Variants in AQR observed in about 807,000 individuals in gnomAD.
AQR encodes the protein RNA helicase aquarius.
AQR carries 61 observed loss-of-function variants against 180.5 expected under a neutral mutation model. The ratio of observed to expected loss-of-function variants is 0.34; its 90% confidence interval spans 0.28 to 0.42. The LOEUF (loss-of-function observed/expected upper bound fraction) is 0.42. Ranked by LOEUF, AQR falls within the 10% of genes least tolerant of loss-of-function variation. The pLI, the probability that AQR is intolerant of heterozygous loss-of-function variation, is 1.00. For missense variants in AQR, 1,281 were observed against 1,798.3 expected (o/e 0.71, Z 5.20); for synonymous variants, 551 against 588.8 (o/e 0.94, Z 0.93).
At chr15:34,938,692 G>GTAAATA in intron 9 of AQR, 45 bp downstream of exon 9, 2 of 1,206,424 alleles carry the variant, frequency 1.7e-6, no homozygotes, top group Non-Finnish European at 2.4e-6. Context: ...CATAGGGGCA[G>GTAAATA]CTATATGATA....
intron 27 of AQR, among the ~76,000 whole-genome samples, chr15:34,879,762 C>T (rs1892942592): frequency 6.6e-6 from 1 of 152,132 alleles, no homozygotes; most frequent in African/African-American, 2.4e-5. Context: ...TTCTCTCTCA[C>T]CCCCAATAGA....
chr15:34,869,901 A>G (rs1318575228), intron 31 of AQR: 1 of 152,194 alleles, frequency 6.6e-6, no homozygotes, highest in Non-Finnish European at 1.5e-5. Flanking sequence ...TTCCAGGCCA[A>G]CATGGTTTCT....
intron 19 of AQR, among the ~76,000 whole-genome samples, chr15:34,903,691 AAG>A (rs1893368406): frequency 6.6e-6 from 1 of 152,270 alleles, no homozygotes; most frequent in African/African-American, 2.4e-5. Flanking sequence ...CTTTGGGAGA[AAG>A]AGAAAAGAAA....
chr15:34,870,994 C>T, intron 30 of AQR, 72 bp from the exon 31 acceptor site: 5 of 1,476,534 alleles, frequency 3.4e-6, no homozygotes, highest in Non-Finnish European at 3.7e-6. Flanking sequence ...AATATCTCAT[C>T]TAGATAAGCA....
intron 30 of AQR, among the ~76,000 whole-genome samples, chr15:34,873,414 A>G (rs904647664): frequency 6.6e-6 from 1 of 152,148 alleles, no homozygotes; most frequent in Non-Finnish European, 1.5e-5. Flanking sequence ...TGAATTGCAT[A>G]TTCATATTTT....
chr15:34,875,846 T>C (rs1351774799), intron 28 of AQR, 89 bp downstream of exon 28: 1 of 963,658 alleles, frequency 1.0e-6, no homozygotes, highest in African/African-American at 1.6e-5. Flanking sequence ...ACTATGGCAA[T>C]CAGCACACCC....
intron 2 of AQR, among the ~76,000 whole-genome samples, chr15:34,963,579 T>C (rs959952790): frequency 6.6e-6 from 1 of 152,176 alleles, no homozygotes; most frequent in Non-Finnish European, 1.5e-5. Context: ...ATTTATTACA[T>C]GATCATTTAT....
At chr15:34,920,504 A>C in intron 13 of AQR, 70 bp from the exon 14 acceptor site, 2 of 1,195,556 alleles carry the variant, frequency 1.7e-6, no homozygotes, top group Non-Finnish European at 2.4e-6. Flanking sequence ...ATGTATTTTT[A>C]CAAATAGCTT....
intron 31 of AQR, 47 bp downstream of exon 31, chr15:34,870,705 C>A (rs773734925): frequency 9.1e-6 from 14 of 1,536,728 alleles, no homozygotes; most frequent in Non-Finnish European, 1.2e-5. Context: ...ACCTTTCCAT[C>A]TTGCCAAAAT....
At chr15:34,904,315 A>T in intron 19 of AQR, 21 bp downstream of exon 19, 1 of 1,523,458 alleles carries the variant, frequency 6.6e-7, no homozygotes, top group Non-Finnish European at 8.9e-7. Context: ...TAGTACTTTT[A>T]GTTACATACC....
At chr15:34,969,450 T>A in intron 1 of AQR, 89 bp downstream of exon 1, 1 of 1,380,724 alleles carries the variant, frequency 7.2e-7, no homozygotes, top group Non-Finnish European at 1.0e-6. Flanking sequence ...TCCTCCGGAC[T>A]CCTAAATCCT....
chr15:34,897,685 C>T lies in AQR; in HGVS notation c.2264G>A (p.Ser755Asn), dbSNP rs952783704. ...PPFRITFPVR[S>N]GKGKKRKDAD... ...ATCTTTCCTTTTCTTCCCTTTTCCA[C>T]TTCTTACTGGAAAAGTTATCCTACA... The change falls in exon 21 of 35, where the codon AGT becomes AAT. Residue 755 changes from serine (S) to asparagine (N), a missense_variant. Physicochemically the swap from Ser to Asn is conservative, Grantham distance 46. Transcript: ENST00000156471. 3 of 1,613,852 alleles carry T rather than the reference C, an allele frequency of 1.9e-6. No homozygotes were observed. Among genetic ancestry groups the T allele is most frequent in the African/African-American group, 1.3e-5 (1 of 74,920 alleles).
chr15:34,955,094 G>C (rs1466077262), intron 3 of AQR, among the ~76,000 whole-genome samples: 43 of 152,192 alleles, frequency 2.8e-4, no homozygotes, highest in Non-Finnish European at 1.5e-5. Flanking sequence ...CTGCACTCCA[G>C]CCCAGGTGAC....
intron 1 of AQR, 133 bp from the exon 2 acceptor site, chr15:34,964,423 C>A: frequency 1.3e-6 from 1 of 762,854 alleles, no homozygotes; most frequent in Non-Finnish European, 2.3e-6. Context: ...TATCTGAAGG[C>A]ACTACACAGG....
intron 3 of AQR, 76 bp downstream of exon 3, chr15:34,960,698 T>C (rs891305417): frequency 1.2e-5 from 8 of 648,436 alleles, no homozygotes; most frequent in South Asian, 3.6e-5. Flanking sequence ...CAAGTTATGA[T>C]CACATTTAGA....
chr15:34,957,281 C>T (rs931220949), intron 3 of AQR, among the ~76,000 whole-genome samples: 2 of 152,094 alleles, frequency 1.3e-5, no homozygotes, highest in African/African-American at 4.8e-5. Context: ...CTCAGTCTCT[C>T]GAGTAGCTGG....
intron 4 of AQR, among the ~76,000 whole-genome samples, chr15:34,951,838 G>A (rs192297950): frequency 7.9e-5 from 12 of 152,166 alleles, no homozygotes; most frequent in East Asian, 1.9e-4. Context: ...AAGGAGGCAC[G>A]ATATGATGGA....
intron 1 of AQR, among the ~76,000 whole-genome samples, chr15:34,968,766 TAGAATGTAG>T (rs2050326963): frequency 6.6e-6 from 1 of 152,150 alleles, no homozygotes; most frequent in Non-Finnish European, 1.5e-5. Context: ...AAAAGATATT[TAGAATGTAG>T]AAATGTAGGG....
intron 15 of AQR, among the ~76,000 whole-genome samples, 180 bp downstream of exon 15, chr15:34,918,078 T>G (rs1198272572): frequency 6.6e-6 from 1 of 152,202 alleles, no homozygotes; most frequent in African/African-American, 2.4e-5. Flanking sequence ...ATAAAAACCC[T>G]TAGTGCTAAA....
Sources: allele counts gnomAD v4.1 joint callset (sites outside exome capture counted in the v4.1 genomes callset), GRCh38; gene constraint gnomAD v4.1.1; transcripts MANE v1.5; gene names NCBI Gene and HGNC (gene_info 2026-07-23, HGNC 2026-07-21).